The following STXBP5 variants were observed in gnomAD, a reference collection of about 807,000 sequenced individuals.
STXBP5 encodes syntaxin-binding protein 5.
Under a neutral mutation model 152.4 loss-of-function variants are expected in STXBP5, and 50 were observed. The ratio of observed to expected loss-of-function variants is 0.33; its 90% CI spans 0.26 to 0.42. The LOEUF is 0.42. Among genes scored for constraint, STXBP5 ranks in the 10% least tolerant of loss-of-function variants. The pLI, the probability that STXBP5 is intolerant of heterozygous loss-of-function variation, is 1.00. For synonymous variants in STXBP5, 492 were observed against 494.7 expected (o/e 0.99, Z 0.07); for missense variants, 1,167 against 1,388.6 (o/e 0.84, Z 2.54).
chr6:147,304,749 C>G (rs1782003677), intron 9 of STXBP5, among the ~76,000 whole-genome samples: 1 of 152,130 alleles, frequency 6.6e-6, no homozygotes, highest in South Asian at 2.1e-4. Context: ...ATCAGAGTGA[C>G]CTGGACGTGA....
chr6:147,337,085 C>G (rs1361199689), intron 19 of STXBP5, among the ~76,000 whole-genome samples: 1 of 151,856 alleles, frequency 6.6e-6, no homozygotes, highest in Non-Finnish European at 1.5e-5. Flanking sequence ...GAAAGACTTT[C>G]ATTTGATCCT....
In STXBP5 at chr6:147,260,578, T is replaced by G. The variant is rs375175721; in HGVS notation, c.432-37T>G. ...ATGCAATTAGTAAAATTTGCCATTT[T>G]TCAAATTTCTTTTTTGAGTATATTT... On this transcript the variant is annotated intron_variant, in intron 4 of 27. Transcript: ENST00000321680. The G allele has an allele frequency of 2.2e-5, 36 of 1,612,812 alleles. No homozygotes were observed. The African/African-American group carries it at 4.4e-4, about 20-fold the overall frequency.
intron 16 of STXBP5, among the ~76,000 whole-genome samples, chr6:147,324,090 G>A (rs1044922270): frequency 2.6e-5 from 4 of 151,982 alleles, no homozygotes; most frequent in Non-Finnish European, 4.4e-5. Flanking sequence ...GAGTCTCTGC[G>A]AACAAAAATA....
At chr6:147,249,023 T>C (rs1778959113) in intron 4 of STXBP5, among the ~76,000 whole-genome samples, 1 of 152,132 alleles carries the variant, frequency 6.6e-6, no homozygotes, top group African/African-American at 2.4e-5. Flanking sequence ...GATTCAGACC[T>C]ACAGCCACAG....
chr6:147,312,437 T>C (rs1455702589), intron 11 of STXBP5, among the ~76,000 whole-genome samples: 1 of 152,198 alleles, frequency 6.6e-6, no homozygotes, highest in Non-Finnish European at 1.5e-5. Flanking sequence ...GCAGTGTTTC[T>C]CAATCAAGGG....
intron 7 of STXBP5, among the ~76,000 whole-genome samples, chr6:147,273,156 C>T (rs781747452): frequency 1.6e-4 from 22 of 137,148 alleles, no homozygotes; most frequent in South Asian, 4.6e-4. Context: ...AGATTGAGAT[C>T]GGCATGGGCA....
intron 7 of STXBP5, among the ~76,000 whole-genome samples, chr6:147,268,193 A>T (rs866731142): frequency 6.6e-6 from 1 of 152,062 alleles, no homozygotes; most frequent in Non-Finnish European, 1.5e-5. Flanking sequence ...CATTATCCCA[A>T]CTTTGGTCAG....
At chr6:147,218,050 C>T (rs1777263961) in intron 2 of STXBP5, among the ~76,000 whole-genome samples, 1 of 152,130 alleles carries the variant, frequency 6.6e-6, no homozygotes, top group Admixed American at 6.6e-5. Context: ...AAATAGACTT[C>T]ATTTTTTAGT....
Position 147,382,911 on chromosome 6 carries a change from T to A in STXBP5, c.3327T>A (p.Asp1109Glu), listed in dbSNP as rs752526365. The A allele has an allele frequency of 6.2e-7, 1 of 1,613,330 alleles. No homozygotes were observed. Among genetic ancestry groups the A allele is most frequent in the Non-Finnish European group, 8.5e-7 (1 of 1,179,668 alleles). Reference protein sequence around the residue: ...GELARARLALDERGQKLGDLE... With the variant: ...GELARARLALEERGQKLGDLE... ...TAGCACGAGCCAGGCTGGCACTAGA[T>A]GAAAGAGGGCAGAAACTTGGCGATC... The change falls in exon 27 of 28, where the codon GAT becomes GAA. Residue 1109 changes from aspartate to glutamate, a missense_variant. Asp to Glu is a conservative substitution (Grantham distance 45). Transcript: ENST00000321680.
At chr6:147,257,722 A>G (rs1007532921) in intron 4 of STXBP5, among the ~76,000 whole-genome samples, 9 of 152,104 alleles carry the variant, frequency 5.9e-5, no homozygotes, top group African/African-American at 4.8e-5. Context: ...ATAAGAATTT[A>G]TTTTCCTATA....
chr6:147,388,857 C>A lies in STXBP5; in HGVS notation c.*4102C>A, dbSNP rs755625390. 1 of 150,222 alleles carries A rather than the reference C, an allele frequency of 6.7e-6. No individual in the cohort carries two copies. The highest frequency in any genetic ancestry group is 1.5e-5 in the Non-Finnish European group (1 of 67,268). The allele number at this position is 150,222 out of a possible 1,614,324, so 9.3% of individuals were successfully genotyped here. On this transcript the variant is annotated 3_prime_UTR_variant, in exon 28 of 28. Coordinates refer to ENST00000321680, the MANE Select transcript of STXBP5 (RefSeq NM_001127715.4). ...TAGTTTTCCAGGTATTTTCTTCTAC[C>A]TTTTTTAAAAATAAATTTCCAAAAA...
At chr6:147,228,441 A>G (rs945106103) in intron 2 of STXBP5, among the ~76,000 whole-genome samples, 3 of 152,000 alleles carry the variant, frequency 2.0e-5, no homozygotes, top group Non-Finnish European at 4.4e-5. Flanking sequence ...GCCTTAAGGA[A>G]CATTTTAGAG....
chr6:147,384,136 C>T (rs1197066453), intron 27 of STXBP5, among the ~76,000 whole-genome samples: 2 of 152,122 alleles, frequency 1.3e-5, no homozygotes, highest in African/African-American at 4.8e-5. Context: ...CTAAGGAAGA[C>T]AGTACATTGA....
rs186449701 is a variant in STXBP5 at position 147,233,245 on chromosome 6, A to G, written c.249-2005A>G. On this transcript the variant is annotated intron_variant, in intron 2 of 27. Coordinates refer to ENST00000321680, the MANE Select transcript of STXBP5 (RefSeq NM_001127715.4). ...CCTGATTTGGTGTGCATACCTATAA[A>G]TGACTGGAAAAGAAATAGACTGTAT... Among the ~76,000 whole-genome samples the G allele has an allele frequency of 7.4e-4, 112 of 151,890 alleles. 2 individuals carry two copies. Among genetic ancestry groups the G allele is most frequent in the African/African-American group, 2.6e-3 (110 of 41,532 alleles).
intron 4 of STXBP5, among the ~76,000 whole-genome samples, chr6:147,240,284 G>T (rs1778478410): frequency 1.3e-5 from 2 of 152,030 alleles, no homozygotes; most frequent in Admixed American, 6.6e-5. Context: ...CTTAATCTTT[G>T]ATTTATATGG....
At chr6:147,244,603 A>T (rs1211075486) in intron 4 of STXBP5, among the ~76,000 whole-genome samples, 1 of 152,234 alleles carries the variant, frequency 6.6e-6, no homozygotes, top group Admixed American at 6.5e-5. Flanking sequence ...TGTTAATACT[A>T]AATAAAAATA....
chr6:147,228,906 A>T (rs1016752568), intron 2 of STXBP5, among the ~76,000 whole-genome samples: 11 of 152,092 alleles, frequency 7.2e-5, no homozygotes, highest in African/African-American at 2.7e-4. Context: ...TTTTCTTGGG[A>T]CTTTTACTTA....
rs551986141 is a variant in STXBP5 at position 147,204,492 on chromosome 6, G to T, written c.-41G>T. On this transcript the variant is annotated 5_prime_UTR_variant, in exon 1 of 28. Transcript: ENST00000321680. This position sits in a 1 kb window ranked among gnomAD's most constrained non-coding sequence, Gnocchi z 4.3. ...GGTCTCCCCCGCCCGGGGACCCCCT[G>T]TGCCTCCCCTCCCGGGCTGCGGGGG... is the stretch of plus-strand genomic sequence containing the variant. 42 of 1,604,154 alleles carry T rather than the reference G, an allele frequency of 2.6e-5. No homozygotes were observed. The highest frequency in any genetic ancestry group is 1.5e-4 in the African/African-American group (11 of 74,614).
In STXBP5 at chr6:147,389,710, C is replaced by T. The variant is rs748032056; in HGVS notation, c.*4955C>T. On this transcript the variant is annotated 3_prime_UTR_variant, in exon 28 of 28. Transcript: ENST00000321680. ...GTTTGTTTTTGTTTATTTACTTTTG[C>T]TATTTGTTTTGTATTGTCTAAACTT... is the stretch of plus-strand genomic sequence containing the variant. The T allele has an allele frequency of 2.6e-5, 4 of 151,646 alleles. No individual in the cohort carries two copies. Among genetic ancestry groups the T allele is most frequent in the Non-Finnish European group, 5.9e-5 (4 of 67,798 alleles). The allele number at this position is 151,646 out of a possible 1,614,324, so 9.4% of individuals were successfully genotyped here.
Sources: gnomAD v4.1 joint callset for allele counts (sites outside exome capture counted in the v4.1 genomes callset) on GRCh38, gnomAD v4.1.1 for gene constraint, Gnocchi (gnomAD v3.1) non-coding constraint, MANE v1.5 for transcripts, NCBI Gene and HGNC (gene_info 2026-07-23, HGNC 2026-07-21) for gene names.